CDC25A: variants seen among roughly 807,000 people sequenced by gnomAD.
The protein encoded by CDC25A is cell division cycle 25A.
Under a neutral mutation model 64.6 loss-of-function variants are expected in CDC25A, and 17 were observed. That is an observed-to-expected ratio of 0.26 (90% CI 0.18 to 0.39). The LOEUF is 0.39. Among genes scored for constraint, CDC25A ranks in the 10% least tolerant of loss-of-function variants. CDC25A has a pLI of 1.00. For missense variants in CDC25A, 473 were observed against 654.8 expected, an observed-to-expected ratio of 0.72 and a Z score of 3.03; for synonymous variants, 229 against 238.6, an observed-to-expected ratio of 0.96 and a Z score of 0.37.
chr3:48,180,687 T>C (rs1352021670), intron 6 of CDC25A, 34 bp downstream of exon 6: 1 of 1,609,458 alleles, frequency 6.2e-7, no homozygotes, highest in East Asian at 2.2e-5. Context: ...TTTCTTCCTG[T>C]CAGGAATTCC....
At chr3:48,175,269 G>A (rs1239245672) in intron 8 of CDC25A, among the ~76,000 whole-genome samples, 1 of 152,112 alleles carries the variant, frequency 6.6e-6, no homozygotes, top group Non-Finnish European at 1.5e-5. Flanking sequence ...CTGCACTCCA[G>A]CCTGGGTGAC....
chr3:48,164,077 AAGG>A (rs1291827062), intron 13 of CDC25A, among the ~76,000 whole-genome samples: 6 of 152,230 alleles, frequency 3.9e-5, no homozygotes, highest in African/African-American at 1.4e-4. Context: ...TTTGTACTTG[AAGG>A]AGGTCACATG....
intron 13 of CDC25A, among the ~76,000 whole-genome samples, chr3:48,162,919 G>A (rs964099916): frequency 2.0e-5 from 3 of 151,834 alleles, no homozygotes; most frequent in Non-Finnish European, 4.4e-5. Flanking sequence ...TGGAGGCCAA[G>A]GAGAGAGGAT....
In CDC25A at chr3:48,177,849, G is replaced by T. The variant is rs761926570; in HGVS notation, c.684+5C>A. Reference sequence around the variant, plus strand: ...AATAGGAACACACACACACACACACGGTACCTTCAGATTCTCTCCATCGAG... The same window carrying T: ...AATAGGAACACACACACACACACACTGTACCTTCAGATTCTCTCCATCGAG... On this transcript the variant is annotated splice_donor_5th_base_variant and intron_variant, in intron 7 of 14. Coordinates refer to ENST00000302506, the MANE Select transcript of CDC25A (RefSeq NM_001789.3). 17 of 1,603,980 alleles carry T rather than the reference G, an allele frequency of 1.1e-5. No individual in the cohort carries two copies. Among genetic ancestry groups the T allele is most frequent in the Admixed American group, 1.7e-5 (1 of 59,094 alleles).
At chr3:48,164,756 T>C (rs2031931190) in intron 12 of CDC25A, among the ~76,000 whole-genome samples, 1 of 152,064 alleles carries the variant, frequency 6.6e-6, no homozygotes. Flanking sequence ...TGGCAAACAG[T>C]AACATCGTAT....
At chr3:48,162,264 CTTTGTGTG>C (rs1232480095) in intron 13 of CDC25A, among the ~76,000 whole-genome samples, 1 of 112,902 alleles carries the variant, frequency 8.9e-6, no homozygotes, top group African/African-American at 3.6e-5. Flanking sequence ...CAAGTATAAC[CTTTGTGTG>C]TGTGTGTGTG....
chr3:48,177,805 G>C, intron 7 of CDC25A, 49 bp downstream of exon 7: 1 of 1,602,634 alleles, frequency 6.2e-7, no homozygotes, highest in Non-Finnish European at 8.5e-7. Context: ...TTCTCCAGAG[G>C]TAATTAATTA....
intron 9 of CDC25A, among the ~76,000 whole-genome samples, chr3:48,172,539 C>G (rs2032305387): frequency 1.3e-5 from 2 of 152,136 alleles, no homozygotes; most frequent in African/African-American, 4.8e-5. Context: ...CACAAAGGAC[C>G]ATAGGACTTA....
rs2032919448 is a variant in CDC25A, at chr3:48,188,140, G to GCGCCAGC, written c.-200_-194dup. ...CCGGGCGGGTGTGCGGACCCTCCAG[G>GCGCCAGC]CGCCAGCCACCAGCCACAGGCACGG... On this transcript the variant is annotated 5_prime_UTR_variant, in exon 1 of 15. Coordinates refer to ENST00000302506, the MANE Select transcript of CDC25A (RefSeq NM_001789.3). 7.8e-6 allele frequency: 3 copies of GCGCCAGC among 383,880 alleles called. No individual in the cohort carries two copies. The highest frequency in any genetic ancestry group is 4.3e-5 in the East Asian group (1 of 23,362). 23.8% of individuals were successfully genotyped at this position (383,880 alleles called of 1,614,324 possible). A position where few individuals can be genotyped will look rare whatever the true frequency, so the allele number is the denominator to read the frequency against.
intron 9 of CDC25A, among the ~76,000 whole-genome samples, chr3:48,168,484 G>A (rs1314906847): frequency 1.3e-5 from 2 of 151,764 alleles, no homozygotes; most frequent in African/African-American, 4.8e-5. Context: ...TGAGCCTGGG[G>A]AGGTCGAGGC....
At position 48,159,090 on chromosome 3, in the gene CDC25A, G is replaced by A; in HGVS notation, c.1435-5C>T. 2.5e-6 allele frequency: 4 copies of A among 1,613,990 alleles called. No homozygotes were observed. The highest frequency in any genetic ancestry group is 3.4e-6 in the Non-Finnish European group (4 of 1,179,938). ...GCTAGGGGGCTCACAGTAAGACTGA[G>A]GGGACAGGAGAGAATAAGGTTAGGG... On this transcript the variant is annotated splice_region_variant and splice_polypyrimidine_tract_variant and intron_variant, in intron 14 of 14. Transcript: ENST00000302506.
intron 8 of CDC25A, among the ~76,000 whole-genome samples, chr3:48,177,168 C>T (rs1259515186): frequency 1.3e-5 from 2 of 152,124 alleles, no homozygotes; most frequent in South Asian, 2.1e-4. Flanking sequence ...TCCCTCCTAA[C>T]CCACACTCCT....
chr3:48,161,859 G>A (rs1415301708), intron 13 of CDC25A, among the ~76,000 whole-genome samples: 3 of 152,102 alleles, frequency 2.0e-5, no homozygotes, highest in Non-Finnish European at 4.4e-5. Context: ...TCAGGAGTTC[G>A]AGACCAGCCT....
Position 48,157,489 on chromosome 3 carries a change from T to C in CDC25A, c.*1456A>G, listed in dbSNP as rs574838246. On this transcript the variant is annotated 3_prime_UTR_variant, in exon 15 of 15. Transcript: ENST00000302506. ...GAAGTTGAGGTAAGAGGGGAGAGACTGTCTCCTGTTTAAGAAAAACCCACC... is the reference window on the plus strand; with the variant it reads ...GAAGTTGAGGTAAGAGGGGAGAGACCGTCTCCTGTTTAAGAAAAACCCACC... 6.5e-6 allele frequency: 1 copy of C among 152,732 alleles called. No individual in the cohort carries two copies. Among genetic ancestry groups the C allele is most frequent in the East Asian group, 1.9e-4 (1 of 5,190 alleles). 9.5% of individuals were successfully genotyped at this position (152,732 alleles called of 1,614,324 possible). A position where few individuals can be genotyped will look rare whatever the true frequency, so the allele number is the denominator to read the frequency against.
chr3:48,161,824 G>A lies in CDC25A; in HGVS notation c.1323-2369C>T, dbSNP rs374123814. On this transcript the variant is annotated intron_variant, in intron 13 of 14. Transcript: ENST00000302506. ...GCCTATAATCCCAGCACTTTGGGAG[G>A]CTGAGGCGGGTAGATCACTTGAGGT... 4.6e-5 allele frequency among the ~76,000 whole-genome samples: 7 copies of A among 152,264 alleles called. No individual in the cohort carries two copies. In the East Asian group the frequency reaches 9.6e-4, roughly 21 times the overall value.
intron 6 of CDC25A, among the ~76,000 whole-genome samples, chr3:48,180,082 C>T (rs920045964): frequency 6.6e-6 from 1 of 152,066 alleles, no homozygotes; most frequent in Admixed American, 6.5e-5. Flanking sequence ...CACTGTAATC[C>T]ATAATAGTTC....
chr3:48,180,227 T>C (rs1324388278), intron 6 of CDC25A: 2 of 152,586 alleles, frequency 1.3e-5, no homozygotes, highest in Non-Finnish European at 2.9e-5. Context: ...CCCATAACTG[T>C]TCTTAACAAA....
At position 48,164,376 on chromosome 3, in the gene CDC25A, A is replaced by T. The variant is rs749638499; in HGVS notation, c.1253T>A (p.Val418Glu). 23 of 1,603,308 alleles carry T rather than the reference A, an allele frequency of 1.4e-5. No homozygotes were observed. The highest frequency in any genetic ancestry group is 2.0e-5 in the Non-Finnish European group (23 of 1,176,362). The change falls in exon 13 of 15, where the codon GTA (valine) becomes GAA (glutamate). Residue 418 changes from valine (V) to glutamate (E), a missense_variant. Physicochemically the swap from Val to Glu is moderately radical, Grantham distance 121. Transcript: ENST00000302506. ...VEDFLLKKPI[V>E]PTDGKRVIVV... ...AATGACACGCTTGCCATCAGTAGGT[A>T]CAATGGGCTTCTTCAATAAGAAGTC...
chr3:48,168,726 G>A (rs2032154854), intron 9 of CDC25A, among the ~76,000 whole-genome samples: 1 of 151,314 alleles, frequency 6.6e-6, no homozygotes. Flanking sequence ...AGTGATCTTG[G>A]CTCACTGTAA....
Sources: allele counts gnomAD v4.1 joint callset (sites outside exome capture counted in the v4.1 genomes callset), GRCh38; gene constraint gnomAD v4.1.1; transcripts MANE v1.5; gene names NCBI Gene and HGNC (gene_info 2026-07-23, HGNC 2026-07-21).